SNTG2: variants seen among roughly 807,000 people sequenced by gnomAD.
The protein encoded by SNTG2 is gamma-2-syntrophin.
In SNTG2, 74 loss-of-function variants were observed where a neutral mutation model predicts 70.9. The ratio of observed to expected loss-of-function variants is 1.04; its 90% CI spans 0.86 to 1.27. The LOEUF is 1.27. Ranked by LOEUF, SNTG2 falls within the 50% of genes most tolerant of loss-of-function variation. The probability of loss-of-function intolerance (pLI) is 0.00; values close to 1 mark genes in which losing one functional copy is unlikely to be tolerated. For missense variants in SNTG2, 717 were observed against 690.7 expected (o/e 1.04, Z -0.43); for synonymous variants, 278 against 273.8 (o/e 1.02, Z -0.15).
At chr2:969,453 G>A (rs1439042708) in intron 1 of SNTG2, among the ~76,000 whole-genome samples, 1 of 151,886 alleles carries the variant, frequency 6.6e-6, no homozygotes, top group African/African-American at 2.4e-5. Context: ...AAATTACTTT[G>A]GACAGTACAT....
intron 8 of SNTG2, among the ~76,000 whole-genome samples, chr2:1,180,862 T>C (rs1385252993): frequency 1.3e-5 from 2 of 152,006 alleles, no homozygotes; most frequent in African/African-American, 2.4e-5. Flanking sequence ...ATGTGGCACA[T>C]ATGCACCATG....
intron 8 of SNTG2, among the ~76,000 whole-genome samples, chr2:1,178,191 C>G (rs940106412): frequency 3.9e-5 from 6 of 152,130 alleles, no homozygotes; most frequent in African/African-American, 1.4e-4. Context: ...CTTGTAGAGA[C>G]GATTTAAAGC....
chr2:1,100,066 A>G (rs1665682815), intron 4 of SNTG2, among the ~76,000 whole-genome samples: 1 of 152,198 alleles, frequency 6.6e-6, no homozygotes, highest in African/African-American at 2.4e-5. Flanking sequence ...TAAGTGTGAT[A>G]AGAAATACAG....
intron 1 of SNTG2, among the ~76,000 whole-genome samples, chr2:985,310 T>G (rs1365969969): frequency 6.6e-6 from 1 of 152,126 alleles, no homozygotes; most frequent in Non-Finnish European, 1.5e-5. Context: ...TTTGGCAAAT[T>G]TAGAAACTGG....
At chr2:1,082,466 C>T (rs929123292) in intron 1 of SNTG2, among the ~76,000 whole-genome samples, 1 of 152,158 alleles carries the variant, frequency 6.6e-6, no homozygotes, top group African/African-American at 2.4e-5. Context: ...ACGTGGGGAC[C>T]TCCCCGTCCG....
intron 13 of SNTG2, chr2:1,262,738 C>T (rs1259688015): frequency 6.7e-6 from 1 of 150,366 alleles, no homozygotes; most frequent in East Asian, 1.9e-4. Context: ...ACGAGGCAAC[C>T]GGAAGGCTCC....
intron 14 of SNTG2, among the ~76,000 whole-genome samples, chr2:1,273,092 C>T (rs1342282668): frequency 1.3e-5 from 2 of 152,174 alleles, no homozygotes; most frequent in Non-Finnish European, 2.9e-5. Flanking sequence ...ACTGCCAAGT[C>T]CTGACGAGCA....
chr2:1,033,176 A>G (rs542460661), intron 1 of SNTG2, among the ~76,000 whole-genome samples: 29 of 152,310 alleles, frequency 1.9e-4, no homozygotes, highest in Admixed American at 1.5e-3. Context: ...TGACACCTCA[A>G]CATGAGATTT....
intron 15 of SNTG2, among the ~76,000 whole-genome samples, chr2:1,315,375 T>C (rs1681226781): frequency 6.6e-6 from 1 of 152,158 alleles, no homozygotes; most frequent in Admixed American, 6.5e-5. Context: ...TGAAACTTCT[T>C]CCCTGTTTTC....
chr2:1,019,361 C>T (rs1380569597), intron 1 of SNTG2, among the ~76,000 whole-genome samples: 1 of 152,110 alleles, frequency 6.6e-6, no homozygotes, highest in African/African-American at 2.4e-5. Context: ...TCCTGATTCA[C>T]GTGGCAATGT....
At chr2:1,355,258 C>T (rs1376408226) in intron 16 of SNTG2, among the ~76,000 whole-genome samples, 2 of 152,192 alleles carry the variant, frequency 1.3e-5, no homozygotes, top group African/African-American at 4.8e-5. Context: ...AGAGTTCAGC[C>T]GTGTTAACGA....
Position 1,237,925 on chromosome 2 carries a change from A to C in SNTG2, c.757A>C (p.Ser253Arg). ...CGAGGTGCTCGCCCTGGACGGAGTCAGCTCTGGGATCCTCCGGTTTTACAC... is the reference window on the plus strand; with the variant it reads ...CGAGGTGCTCGCCCTGGACGGAGTCCGCTCTGGGATCCTCCGGTTTTACAC... Reference protein sequence around the residue: ...AFEVLALDGVSSGILRFYTAQ... With the variant: ...AFEVLALDGVRSGILRFYTAQ... Residue 253 changes from serine to arginine, a missense_variant, in exon 10 of 17, where the codon AGC becomes CGC. Ser to Arg is a moderately radical substitution (Grantham distance 110). Coordinates refer to ENST00000308624, the MANE Select transcript of SNTG2 (RefSeq NM_018968.4). 6.2e-7 allele frequency: 1 copy of C among 1,606,922 alleles called. No homozygotes were observed. Among genetic ancestry groups the C allele is most frequent in the Non-Finnish European group, 8.5e-7 (1 of 1,177,060 alleles).
At chr2:1,155,174 C>CACACA (rs376428558) in intron 6 of SNTG2, among the ~76,000 whole-genome samples, 29,291 of 146,618 alleles carry the variant, frequency 0.2, 3,161 homozygotes, top group East Asian at 0.32. Context: ...CGTAGACCCC[C>CACACA]CCCCCACACA....
chr2:980,068 A>G (rs1404463788), intron 1 of SNTG2, among the ~76,000 whole-genome samples: 2 of 152,212 alleles, frequency 1.3e-5, no homozygotes, highest in East Asian at 1.9e-4. Flanking sequence ...GCCAGAGAGT[A>G]TCTATGACTT....
intron 16 of SNTG2, among the ~76,000 whole-genome samples, chr2:1,331,299 C>T (rs1026522974): frequency 6.6e-6 from 1 of 152,152 alleles, no homozygotes; most frequent in Non-Finnish European, 1.5e-5. Context: ...ATTACAAACA[C>T]TAGAAAGCAG....
intron 6 of SNTG2, among the ~76,000 whole-genome samples, chr2:1,148,659 C>T (rs773088275): frequency 9.9e-5 from 15 of 152,238 alleles, no homozygotes; most frequent in Non-Finnish European, 2.2e-4. Flanking sequence ...TCCCCCCGCT[C>T]CTTGTGTGAT....
intron 1 of SNTG2, among the ~76,000 whole-genome samples, chr2:1,022,373 A>G (rs1221362932): frequency 2.0e-5 from 3 of 151,558 alleles, no homozygotes; most frequent in Non-Finnish European, 4.4e-5. Flanking sequence ...GAATCCCTGC[A>G]TTCCCGTGAG....
At chr2:1,039,345 T>C (rs1466273818) in intron 1 of SNTG2, among the ~76,000 whole-genome samples, 1 of 152,254 alleles carries the variant, frequency 6.6e-6, no homozygotes, top group African/African-American at 2.4e-5. Context: ...TTTAAGCAGG[T>C]AGACGTCTAT....
chr2:1,195,175 C>T (rs751533933), intron 8 of SNTG2, among the ~76,000 whole-genome samples: 1 of 152,074 alleles, frequency 6.6e-6, no homozygotes, highest in Non-Finnish European at 1.5e-5. Context: ...GTGAACAGTT[C>T]CACAATAAAC....
Sources: gnomAD v4.1 joint callset for allele counts (sites outside exome capture counted in the v4.1 genomes callset) on GRCh38, gnomAD v4.1.1 for gene constraint, MANE v1.5 for transcripts, NCBI Gene and HGNC (gene_info 2026-07-23, HGNC 2026-07-21) for gene names.